The following LTBP1 variants were observed in gnomAD, a reference collection of about 807,000 sequenced individuals.
LTBP1 encodes latent transforming growth factor beta binding protein 1.
Under a neutral mutation model 207.6 loss-of-function variants are expected in LTBP1, and 129 were observed. That is an observed-to-expected ratio of 0.62 (90% confidence interval 0.54 to 0.72). LTBP1 has a LOEUF of 0.72. Ranked by LOEUF, LTBP1 falls within the 30% of genes least tolerant of loss-of-function variation. The pLI is 0.00. For missense variants in LTBP1, 2,281 were observed against 2,217.2 expected (o/e 1.03, Z -0.58); for synonymous variants, 963 against 833.7 (o/e 1.16, Z -2.67).
At position 33,082,454 on chromosome 2, in the gene LTBP1, T is replaced by A. The variant is rs947564492; in HGVS notation, c.864-28128T>A. ...TCACTTTTTTTTTTTTTTTTTTTTT[T>A]TTTTTTTTTTTTGAGAAGGAGTCTC... is the stretch of plus-strand genomic sequence containing the variant. On this transcript the variant is annotated intron_variant, in intron 3 of 33. Coordinates refer to ENST00000404816, the MANE Select transcript of LTBP1 (RefSeq NM_206943.4). Among the ~76,000 whole-genome samples, 143 of 139,170 alleles carry A rather than the reference T, an allele frequency of 1.0e-3. 1 individual carries two copies. The highest frequency in any genetic ancestry group is 7.0e-3 in the Middle Eastern group (2 of 286). The allele number at this position is 139,170 out of a possible 152,430, so 91.3% of individuals were successfully genotyped here. A position where few individuals can be genotyped will look rare whatever the true frequency, so the allele number is the denominator to read the frequency against.
rs1258228676 is a variant in LTBP1, at chr2:33,145,151, G to C, written c.1201+10191G>C. ...ATTTTCTATTTAGTTGAAGGGTATG[G>C]GCCTAAGGAATGGTTTACTGTTCAA... On this transcript the variant is annotated intron_variant, in intron 5 of 33. Transcript: ENST00000404816. 2.0e-5 allele frequency among the ~76,000 whole-genome samples: 3 copies of C among 152,150 alleles called. No homozygotes were observed. In the East Asian group the frequency reaches 5.8e-4, roughly 29 times the overall value.
Position 33,385,294 on chromosome 2 carries a change from G to T in LTBP1, c.4712-3890G>T, listed in dbSNP as rs1014958185. Among the ~76,000 whole-genome samples the T allele has an allele frequency of 2.6e-5, 4 of 152,226 alleles. 1 individual carries two copies. The highest frequency in any genetic ancestry group is 2.0e-4 in the Admixed American group (3 of 15,296). ...GAAACAAGATTTAAAAACACCTGTG[G>T]ACCGTTCTTCCATTGCTCTTTACTG... On this transcript the variant is annotated intron_variant, in intron 31 of 33. Transcript: ENST00000404816.
chr2:32,960,336 G>A (rs1678891880), intron 2 of LTBP1, among the ~76,000 whole-genome samples: 1 of 152,124 alleles, frequency 6.6e-6, no homozygotes, highest in Non-Finnish European at 1.5e-5. Context: ...CTCTATGAGG[G>A]TAGGGATTAT....
intron 10 of LTBP1, among the ~76,000 whole-genome samples, chr2:33,249,063 C>G (rs1161379116): frequency 6.6e-6 from 1 of 152,064 alleles, no homozygotes; most frequent in East Asian, 1.9e-4. Flanking sequence ...GGAATTTCAT[C>G]CAAGAAATGA....
chr2:33,130,427 A>C (rs1222732321), intron 4 of LTBP1, among the ~76,000 whole-genome samples: 14 of 152,186 alleles, frequency 9.2e-5, no homozygotes. Flanking sequence ...GTGAGTCTTG[A>C]ACTTGTTACA....
intron 5 of LTBP1, among the ~76,000 whole-genome samples, chr2:33,171,913 C>T (rs1204031310): frequency 8.5e-5 from 13 of 152,078 alleles, no homozygotes; most frequent in Non-Finnish European, 1.8e-4. Flanking sequence ...AACTAAGCTT[C>T]GGAAGTGAAG....
At chr2:33,186,527 G>A (rs1027435402) in intron 5 of LTBP1, among the ~76,000 whole-genome samples, 5 of 152,096 alleles carry the variant, frequency 3.3e-5, no homozygotes, top group African/African-American at 4.8e-5. Context: ...GATTGCAAAT[G>A]GTACTTAAAA....
intron 2 of LTBP1, among the ~76,000 whole-genome samples, chr2:32,967,979 AGTTTGTTTGTTT>A (rs113343240): frequency 2.1e-4 from 32 of 151,014 alleles, no homozygotes; most frequent in African/African-American, 5.1e-4. Flanking sequence ...CATTTCTATC[AGTTTGTTTGTTT>A]GTTTGTTTGT....
chr2:33,244,019 A>C (rs1213065567), intron 10 of LTBP1, among the ~76,000 whole-genome samples: 1 of 152,228 alleles, frequency 6.6e-6, no homozygotes, highest in African/African-American at 2.4e-5. Context: ...AAAACTCTGA[A>C]TAGAGACTAA....
chr2:33,269,762 G>T (rs1278680055), intron 15 of LTBP1, among the ~76,000 whole-genome samples: 2 of 152,094 alleles, frequency 1.3e-5, no homozygotes, highest in African/African-American at 4.8e-5. Flanking sequence ...AAAGCATCTT[G>T]TCTTTGCCCT....
intron 2 of LTBP1, among the ~76,000 whole-genome samples, chr2:32,962,057 T>C (rs1329941941): frequency 2.0e-5 from 3 of 152,096 alleles, no homozygotes; most frequent in Non-Finnish European, 4.4e-5. Context: ...TAATAATGTG[T>C]TGGTGCATTT....
chr2:33,268,142 A>G (rs1036717835), intron 15 of LTBP1, among the ~76,000 whole-genome samples: 2 of 152,232 alleles, frequency 1.3e-5, no homozygotes, highest in African/African-American at 2.4e-5. Flanking sequence ...GAGCTACACT[A>G]TACATAGTGA....
At chr2:33,266,187 G>A (rs1216288469) in intron 15 of LTBP1, among the ~76,000 whole-genome samples, 1 of 152,226 alleles carries the variant, frequency 6.6e-6, no homozygotes, top group Non-Finnish European at 1.5e-5. Context: ...CCAAGCCCAA[G>A]TGCTATTGCA....
chr2:33,344,339 C>T (rs2094672448), intron 25 of LTBP1, among the ~76,000 whole-genome samples: 2 of 152,152 alleles, frequency 1.3e-5, no homozygotes, highest in Non-Finnish European at 2.9e-5. Context: ...AGTTGTTTGA[C>T]GTTTGGATAA....
intron 12 of LTBP1, among the ~76,000 whole-genome samples, chr2:33,258,738 A>C (rs1360290628): frequency 6.6e-6 from 1 of 152,162 alleles, no homozygotes; most frequent in African/African-American, 2.4e-5. Context: ...CAACCCCAAG[A>C]ATATTGCAGC....
At chr2:33,379,955 A>C (rs924443710) in intron 31 of LTBP1, among the ~76,000 whole-genome samples, 1 of 152,222 alleles carries the variant, frequency 6.6e-6, no homozygotes, top group Non-Finnish European at 1.5e-5. Context: ...AAAATAAGCA[A>C]GATTAAAATA....
intron 24 of LTBP1, among the ~76,000 whole-genome samples, chr2:33,325,846 GA>G (rs2149399785): frequency 6.6e-6 from 1 of 152,228 alleles, no homozygotes; most frequent in South Asian, 2.1e-4. Context: ...TACAGGTGTA[GA>G]AAGGTGGATT....
intron 5 of LTBP1, among the ~76,000 whole-genome samples, chr2:33,140,572 A>G (rs2082562746): frequency 6.6e-6 from 1 of 152,162 alleles, no homozygotes; most frequent in African/African-American, 2.4e-5. Context: ...ACTTCCACAT[A>G]CATTTAGCTA....
chr2:33,351,659 A>T (rs2094783432), intron 26 of LTBP1, among the ~76,000 whole-genome samples: 1 of 152,176 alleles, frequency 6.6e-6, no homozygotes, highest in South Asian at 2.1e-4. Context: ...GTGAGCCGTC[A>T]GTGAGCTTCT....
Sources: gnomAD v4.1 joint callset for allele counts (sites outside exome capture counted in the v4.1 genomes callset) on GRCh38, gnomAD v4.1.1 for gene constraint, MANE v1.5 for transcripts, NCBI Gene and HGNC (gene_info 2026-07-23, HGNC 2026-07-21) for gene names.